ULK4: variants seen among roughly 807,000 people sequenced by gnomAD.
The protein encoded by ULK4 is unc-51 like kinase 4.
ULK4 carries 133 observed loss-of-function variants against 160.6 expected under a neutral mutation model. The observed-to-expected ratio is 0.83, with a 90% CI of 0.72 to 0.96. The LOEUF (loss-of-function observed/expected upper bound fraction) is 0.96, where lower values mean the gene tolerates loss of function less well. ULK4 is among the 40% of genes least tolerant of loss of function. The pLI is 0.00. For synonymous variants in ULK4, 534 were observed against 539.8 expected, an observed-to-expected ratio of 0.99 and a Z score of 0.15; for missense variants, 1,580 against 1,499.5, an observed-to-expected ratio of 1.05 and a Z score of -0.89.
At chr3:41,863,890 G>T (rs563845398) in intron 17 of ULK4, among the ~76,000 whole-genome samples, 1 of 151,406 alleles carries the variant, frequency 6.6e-6, no homozygotes, top group Non-Finnish European at 1.5e-5. Context: ...TTTTGGAGCC[G>T]CGAGCTATGC....
chr3:41,713,755 T>TC (rs1319004886), intron 25 of ULK4, among the ~76,000 whole-genome samples: 3 of 152,144 alleles, frequency 2.0e-5, no homozygotes, highest in Non-Finnish European at 4.4e-5. Context: ...CAGTGTGGCC[T>TC]CCTCCCTTGT....
intron 34 of ULK4, among the ~76,000 whole-genome samples, chr3:41,436,497 T>C (rs2083041429): frequency 6.6e-6 from 1 of 152,180 alleles, no homozygotes; most frequent in African/African-American, 2.4e-5. Context: ...TTTTAAATGA[T>C]TGAGTTTGAA....
intron 25 of ULK4, 55 bp from the exon 26 acceptor site, chr3:41,705,360 AT>A: frequency 7.1e-7 from 1 of 1,409,878 alleles, no homozygotes; most frequent in Non-Finnish European, 9.8e-7. Flanking sequence ...CTGAAATAAA[AT>A]ATAGGTAGTT....
At chr3:41,520,551 C>T (rs932812565) in intron 32 of ULK4, among the ~76,000 whole-genome samples, 1 of 152,074 alleles carries the variant, frequency 6.6e-6, no homozygotes, top group African/African-American at 2.4e-5. Context: ...GTTTGAGTCC[C>T]TGTTTTTAAT....
chr3:41,478,636 A>G (rs1167773603), intron 32 of ULK4, among the ~76,000 whole-genome samples: 2 of 152,242 alleles, frequency 1.3e-5, no homozygotes, highest in Non-Finnish European at 2.9e-5. Context: ...CTTGAGAGTG[A>G]AAAGTTTCGG....
At chr3:41,721,255 A>ATTTTTTTTTTTTTT (rs67078042) in intron 22 of ULK4, among the ~76,000 whole-genome samples, 4 of 45,038 alleles carry the variant, frequency 8.9e-5, no homozygotes, top group African/African-American at 2.0e-4. Flanking sequence ...TTCGCTTTGA[A>ATTTTTTTTTTTTTT]TTTTTTTTTT....
chr3:41,361,061 A>G (rs556094255), intron 35 of ULK4, among the ~76,000 whole-genome samples: 64 of 152,214 alleles, frequency 4.2e-4, no homozygotes, highest in African/African-American at 1.5e-3. Context: ...GAGATCTGCT[A>G]TGGGATGTCC....
intron 31 of ULK4, among the ~76,000 whole-genome samples, chr3:41,581,129 A>G (rs2030291912): frequency 6.6e-6 from 1 of 152,130 alleles, no homozygotes; most frequent in Non-Finnish European, 1.5e-5. Flanking sequence ...AAATTGTAAC[A>G]TATAGCAAGA....
At chr3:41,496,930 C>T (rs1047355603) in intron 32 of ULK4, among the ~76,000 whole-genome samples, 1 of 152,040 alleles carries the variant, frequency 6.6e-6, no homozygotes, top group African/African-American at 2.4e-5. Flanking sequence ...ACTCAACCTT[C>T]TCTAAAGGAA....
At chr3:41,804,736 G>C (rs1404616511) in intron 19 of ULK4, among the ~76,000 whole-genome samples, 2 of 152,168 alleles carry the variant, frequency 1.3e-5, no homozygotes, top group African/African-American at 4.8e-5. Flanking sequence ...TTATTAAATA[G>C]GGAATGCTTT....
chr3:41,906,700 T>C (rs1698575091), intron 12 of ULK4, among the ~76,000 whole-genome samples: 2 of 151,324 alleles, frequency 1.3e-5, no homozygotes, highest in Middle Eastern at 3.2e-3. Flanking sequence ...ATCTTGAAAA[T>C]ATATGTTAAA....
chr3:41,456,690 G>C (rs1286178950), intron 33 of ULK4, among the ~76,000 whole-genome samples: 1 of 152,100 alleles, frequency 6.6e-6, no homozygotes, highest in Non-Finnish European at 1.5e-5. Flanking sequence ...ATAATATGTA[G>C]ACGCCCTTCC....
intron 15 of ULK4, among the ~76,000 whole-genome samples, chr3:41,896,398 G>A (rs74371586): frequency 0.13 from 19,024 of 152,058 alleles, 1,364 homozygotes; most frequent in Middle Eastern, 0.26. Context: ...GGGATTACAG[G>A]AGTGCACTGC....
At chr3:41,713,721 T>C (rs9846831) in intron 25 of ULK4, among the ~76,000 whole-genome samples, 2 of 150,446 alleles carry the variant, frequency 1.3e-5, no homozygotes, top group South Asian at 4.1e-4. Flanking sequence ...AGAATACCCA[T>C]AGAAAAGTCT....
At chr3:41,609,789 T>A (rs6797867) in intron 31 of ULK4, among the ~76,000 whole-genome samples, 1 of 151,850 alleles carries the variant, frequency 6.6e-6, no homozygotes, top group Non-Finnish European at 1.5e-5. Flanking sequence ...CTGGTGAACA[T>A]AGCAAGACCC....
intron 34 of ULK4, among the ~76,000 whole-genome samples, chr3:41,405,353 A>G (rs968102698): frequency 2.6e-5 from 4 of 152,102 alleles, no homozygotes; most frequent in African/African-American, 9.7e-5. Context: ...TATATGTATC[A>G]TATTTTCTTT....
chr3:41,434,476 T>A (rs1449045294), intron 34 of ULK4, among the ~76,000 whole-genome samples: 1 of 152,194 alleles, frequency 6.6e-6, no homozygotes, highest in African/African-American at 2.4e-5. Flanking sequence ...GCAAACACTA[T>A]TTTTTGTGAG....
chr3:41,343,202 G>A (rs919604144), intron 35 of ULK4, among the ~76,000 whole-genome samples: 3 of 151,702 alleles, frequency 2.0e-5, no homozygotes, highest in Admixed American at 6.6e-5. Flanking sequence ...GAAAATAAAG[G>A]GTATTCAAAT....
intron 17 of ULK4, among the ~76,000 whole-genome samples, chr3:41,864,745 C>T (rs184692197): frequency 1.4e-3 from 211 of 152,144 alleles, no homozygotes; most frequent in Non-Finnish European, 2.2e-3. Flanking sequence ...AAATCTTATC[C>T]ACTTCATTTA....
Sources: allele counts gnomAD v4.1 joint callset (sites outside exome capture counted in the v4.1 genomes callset), GRCh38; gene constraint gnomAD v4.1.1; transcripts MANE v1.5; gene names NCBI Gene and HGNC (gene_info 2026-07-23, HGNC 2026-07-21).